Variants in SLC24A2 observed in about 807,000 individuals in gnomAD.
SLC24A2 encodes the protein solute carrier family 24 member 2.
In SLC24A2, 36 loss-of-function variants were observed where a neutral mutation model predicts 62.0. The ratio of observed to expected loss-of-function variants is 0.58; its 90% confidence interval spans 0.44 to 0.77. The LOEUF is 0.77. Ranked by LOEUF, SLC24A2 falls within the 30% of genes least tolerant of loss-of-function variation. SLC24A2 has a pLI of 0.00. For synonymous variants in SLC24A2, 358 were observed against 294.0 expected (o/e 1.22, Z -2.23); for missense variants, 846 against 817.9 (o/e 1.03, Z -0.42).
At chr9:20,284,850 G>C in the SLC24A2 span, among the ~76,000 whole-genome samples, 1 of 152,136 alleles carries the variant, frequency 6.6e-6, no homozygotes, top group Non-Finnish European at 1.5e-5. Context: ...TTGTTTTCCT[G>C]AGGACAGCAT....
chr9:20,150,361 A>G, the SLC24A2 span, among the ~76,000 whole-genome samples: 1 of 152,002 alleles, frequency 6.6e-6, no homozygotes, highest in Non-Finnish European at 1.5e-5. Flanking sequence ...GTTACCACAT[A>G]CATCATGGAT....
chr9:19,807,299 C>G, the SLC24A2 span, among the ~76,000 whole-genome samples: 6 of 152,198 alleles, frequency 3.9e-5, no homozygotes, highest in Non-Finnish European at 8.8e-5. Flanking sequence ...TATGTAAGAA[C>G]TTGGCTTTTG....
chr9:20,133,241 TAC>T, the SLC24A2 span, among the ~76,000 whole-genome samples: 93 of 150,976 alleles, frequency 6.2e-4, no homozygotes, highest in Non-Finnish European at 1.1e-3. Flanking sequence ...CATGTATGTA[TAC>T]ACACACACAC....
chr9:20,081,490 A>T, the SLC24A2 span, among the ~76,000 whole-genome samples: 945 of 51,798 alleles, frequency 0.018, 17 homozygotes, highest in African/African-American at 0.061. Context: ...GGGTGGGGGG[A>T]GGGGGGGAGG....
chr9:20,241,752 G>C, the SLC24A2 span, among the ~76,000 whole-genome samples: 3 of 152,090 alleles, frequency 2.0e-5, no homozygotes, highest in Non-Finnish European at 4.4e-5. Flanking sequence ...GTAGAGAGGA[G>C]TGGGAGGAGG....
the SLC24A2 span, among the ~76,000 whole-genome samples, chr9:19,869,069 C>A: frequency 6.6e-6 from 1 of 152,048 alleles, no homozygotes; most frequent in Non-Finnish European, 1.5e-5. Context: ...GCAGCCTTGA[C>A]CACCTGGGCT....
the SLC24A2 span, among the ~76,000 whole-genome samples, chr9:20,237,488 A>G: frequency 2.0e-5 from 3 of 152,146 alleles, no homozygotes; most frequent in Non-Finnish European, 4.4e-5. Context: ...AGCTGTTCCT[A>G]GGGATTGCTA....
At chr9:19,576,237 A>T (rs956003966) in intron 6 of SLC24A2, among the ~76,000 whole-genome samples, 15 of 152,372 alleles carry the variant, frequency 9.8e-5, no homozygotes, top group African/African-American at 3.6e-4. Flanking sequence ...GATCCAGATC[A>T]GGTTAAATTT....
chr9:20,265,639 G>C, the SLC24A2 span, among the ~76,000 whole-genome samples: 2 of 152,116 alleles, frequency 1.3e-5, no homozygotes, highest in Non-Finnish European at 2.9e-5. Flanking sequence ...CAAATTGTTT[G>C]TAGAGCATGT....
the SLC24A2 span, among the ~76,000 whole-genome samples, chr9:20,019,125 GAAAGAAAGAAAGAAAGAAAGAA>G: frequency 8.8e-4 from 94 of 106,608 alleles, 2 homozygotes; most frequent in African/African-American, 3.5e-3. Context: ...AAGAAAGAAA[GAAAGAAAGAAAGAAAGAAAGAA>G]AGAAAGAAAG....
the SLC24A2 span, among the ~76,000 whole-genome samples, chr9:20,221,833 G>C: frequency 6.6e-6 from 1 of 151,936 alleles, no homozygotes; most frequent in Non-Finnish European, 1.5e-5. Flanking sequence ...TCTTTCAACT[G>C]TATTGACAAA....
chr9:19,963,945 A>G, the SLC24A2 span, among the ~76,000 whole-genome samples: 41 of 152,234 alleles, frequency 2.7e-4, no homozygotes, highest in African/African-American at 8.9e-4. Context: ...CACTATTCAC[A>G]ATAGCAAAGA....
At chr9:19,546,542 A>C (rs1310082257) in intron 8 of SLC24A2, among the ~76,000 whole-genome samples, 1 of 152,022 alleles carries the variant, frequency 6.6e-6, no homozygotes, top group Non-Finnish European at 1.5e-5. Flanking sequence ...TTCCCCCACC[A>C]AGCTTGAGCA....
At chr9:20,303,747 G>T in the SLC24A2 span, among the ~76,000 whole-genome samples, 525 of 152,236 alleles carry the variant, frequency 3.4e-3, 2 homozygotes, top group African/African-American at 7.5e-3. Context: ...CCACCAGAAG[G>T]GTTCATTTTA....
chr9:20,034,179 G>C, the SLC24A2 span, among the ~76,000 whole-genome samples: 6 of 152,152 alleles, frequency 3.9e-5, 1 homozygote, highest in African/African-American at 9.6e-5. Context: ...TTATCTACAC[G>C]ACCCCTTCCT....
chr9:20,077,500 G>A, the SLC24A2 span, among the ~76,000 whole-genome samples: 16 of 152,022 alleles, frequency 1.1e-4, no homozygotes, highest in South Asian at 4.2e-4. Context: ...CCTCACAGTC[G>A]GCGCTCTACA....
chr9:19,897,787 G>A, the SLC24A2 span, among the ~76,000 whole-genome samples: 1 of 151,568 alleles, frequency 6.6e-6, no homozygotes, highest in Non-Finnish European at 1.5e-5. Flanking sequence ...ACATCCTACA[G>A]CTACAAGGGA....
chr9:20,159,991 A>G, the SLC24A2 span, among the ~76,000 whole-genome samples: 1 of 151,546 alleles, frequency 6.6e-6, no homozygotes, highest in African/African-American at 2.4e-5. Context: ...TTATTAAAAG[A>G]AAATATTTTC....
chr9:19,834,055 C>A, the SLC24A2 span, among the ~76,000 whole-genome samples: 1 of 152,094 alleles, frequency 6.6e-6, no homozygotes, highest in Non-Finnish European at 1.5e-5. Context: ...GAAAGGACCT[C>A]CACCCCAAAA....
Sources: gnomAD v4.1 joint callset for allele counts (sites outside exome capture counted in the v4.1 genomes callset) on GRCh38, gnomAD v4.1.1 for gene constraint, MANE v1.5 for transcripts, NCBI Gene and HGNC (gene_info 2026-07-23, HGNC 2026-07-21) for gene names.